LYST: variants seen among roughly 807,000 people sequenced by gnomAD.
The protein encoded by LYST is lysosomal trafficking regulator.
In LYST, 192 loss-of-function variants were observed where a neutral mutation model predicts 413.6. The ratio of observed to expected loss-of-function variants is 0.46; its 90% CI spans 0.41 to 0.52. LYST has a LOEUF of 0.52. Among genes scored for constraint, LYST ranks in the 20% least tolerant of loss-of-function variants. The probability of loss-of-function intolerance (pLI) is 0.00; values close to 1 mark genes in which losing one functional copy is unlikely to be tolerated. For missense variants in LYST, 3,815 were observed against 4,499.9 expected (o/e 0.85, Z 4.35); for synonymous variants, 1,525 against 1,567.3 (o/e 0.97, Z 0.64).
chr1:235,730,283 C>T (rs1246253746), intron 36 of LYST, among the ~76,000 whole-genome samples: 1 of 151,778 alleles, frequency 6.6e-6, no homozygotes, highest in Non-Finnish European at 1.5e-5. Context: ...ACTTAATACT[C>T]AACAACGCTA....
chr1:235,720,576 T>G, intron 40 of LYST, 85 bp downstream of exon 40: 2 of 1,370,166 alleles, frequency 1.5e-6, no homozygotes, highest in South Asian at 2.4e-5. Flanking sequence ...TGTGCATGTT[T>G]GAAATTTTTC....
intron 46 of LYST, 116 bp downstream of exon 46, chr1:235,696,967 C>A (rs1383399896): frequency 7.0e-6 from 7 of 996,290 alleles, no homozygotes; most frequent in Non-Finnish European, 1.1e-5. Flanking sequence ...TAAATAACCA[C>A]AAATTTGAGC....
At chr1:235,738,999 A>G in intron 31 of LYST, 4 of 705,434 alleles carry the variant, frequency 5.7e-6, no homozygotes, top group South Asian at 5.5e-5. Flanking sequence ...AAGTCTTCTG[A>G]TGTCATACTA....
In LYST at chr1:235,791,536, A is replaced by T; in HGVS notation, c.4543+163T>A. 3 of 671,764 alleles carry T rather than the reference A, an allele frequency of 4.5e-6. 1 individual carries two copies. In the South Asian group the frequency reaches 5.1e-5, roughly 11 times the overall value. The allele number at this position is 671,764 out of a possible 1,614,324, so 41.6% of individuals were successfully genotyped here. A position where few individuals can be genotyped will look rare whatever the true frequency, so the allele number is the denominator to read the frequency against. On this transcript the variant is annotated intron_variant, in intron 12 of 52. Transcript: ENST00000389793. Reference sequence around the variant, plus strand: ...TAATAGAGATTCAAGGCTTTATGACAACTCATGCTTTGATAAGTCAGGACC... The same window carrying T: ...TAATAGAGATTCAAGGCTTTATGACTACTCATGCTTTGATAAGTCAGGACC...
Position 235,798,578 on chromosome 1 carries a change from TAAA to T in LYST, c.4006+1739_4006+1741del, listed in dbSNP as rs71174462. Among the ~76,000 whole-genome samples the T allele has an allele frequency of 1.6e-4, 13 of 81,710 alleles. 2 individuals are homozygous for T. The highest frequency in any genetic ancestry group is 5.0e-4 in the African/African-American group (11 of 22,094). The allele number at this position is 81,710 out of a possible 152,430, so 53.6% of individuals were successfully genotyped here. On this transcript the variant is annotated intron_variant, in intron 10 of 52. Coordinates refer to ENST00000389793, the MANE Select transcript of LYST (RefSeq NM_000081.4). ...TGGCGACAAGGGCAAAACCCTGTCA[TAAA>T]AAAAAAAAAAAAAAAAAAAAAAAAA...
chr1:235,834,843 G>T (rs1676392179), intron 1 of LYST, among the ~76,000 whole-genome samples: 1 of 152,014 alleles, frequency 6.6e-6, no homozygotes, highest in South Asian at 2.1e-4. Flanking sequence ...CAACCAAGTG[G>T]AACAGCCCTG....
At chr1:235,730,180 T>C (rs1169466573) in intron 36 of LYST, among the ~76,000 whole-genome samples, 1 of 152,066 alleles carries the variant, frequency 6.6e-6, no homozygotes, top group East Asian at 1.9e-4. Context: ...AATTATCTTC[T>C]TTGTGTCTCA....
At chr1:235,720,931 C>A in intron 39 of LYST, 26 bp from the exon 40 acceptor site, 6 of 1,609,422 alleles carry the variant, frequency 3.7e-6, no homozygotes, top group Non-Finnish European at 5.1e-6. Flanking sequence ...AAGAAAAAAA[C>A]CCAGATATTA....
chr1:235,686,910 C>T lies in LYST; in HGVS notation c.10800+39G>A, dbSNP rs772732676. The T allele has an allele frequency of 6.2e-6, 9 of 1,457,236 alleles. No homozygotes were observed. In the South Asian group the frequency reaches 1.0e-4, roughly 17 times the overall value. 90.3% of individuals were successfully genotyped at this position (1,457,236 alleles called of 1,614,324 possible). On this transcript the variant is annotated intron_variant, in intron 48 of 52. Coordinates refer to ENST00000389793, the MANE Select transcript of LYST (RefSeq NM_000081.4). The surrounding 1 kb of genome is among the most constrained non-coding windows in gnomAD (Gnocchi z 4.0). ...ATAAAGGCTTTCTTCCCCTCATTGA[C>T]AAAGTCCCATACTACCCACACAGAA...
intron 11 of LYST, 117 bp downstream of exon 11, chr1:235,793,382 CAACT>C (rs757169298): frequency 1.4e-5 from 8 of 562,910 alleles, no homozygotes; most frequent in Non-Finnish European, 2.5e-5. Flanking sequence ...TTGCCTATAC[CAACT>C]GTCACATCAA....
In LYST at chr1:235,791,799, C is replaced by A; in HGVS notation, c.4443G>T (p.Val1481=). ...TACTCTCAGCTTCATGGATACACTC[C>A]ACATTAAACCACAGGGAAACACTGA... ...EGFSVSLWFN[V]ECIHEAESTT... Residue 1481 remains valine, a synonymous_variant, in exon 12 of 53, where the codon GTG becomes GTT. Transcript: ENST00000389793. The A allele has an allele frequency of 6.2e-7, 1 of 1,613,950 alleles. No homozygotes were observed. The highest frequency in any genetic ancestry group is 8.5e-7 in the Non-Finnish European group (1 of 1,179,854).
In LYST at chr1:235,677,160, G is replaced by T; in HGVS notation, c.10969C>A (p.His3657Asn). The T allele has an allele frequency of 6.2e-7, 1 of 1,613,772 alleles. No homozygotes were observed. Among genetic ancestry groups the T allele is most frequent in the Non-Finnish European group, 8.5e-7 (1 of 1,179,758 alleles). Residue 3657 changes from histidine to asparagine, a missense_variant, in exon 50 of 53, where the codon CAC becomes AAC. His to Asn is a moderately conservative substitution (Grantham distance 68). Transcript: ENST00000389793. The stretch of plus-strand genomic sequence containing the variant: ...GAGACAGCTGTGACAGGGCTTTTGT[G>T]TCCCGCCAGACTTTGTACATAGCAT... ...RLCYVQSLAG[H>N]KSPVTAVSAS... is the part of the protein sequence containing the mutation.
chr1:235,676,991 G>T, intron 50 of LYST, 100 bp downstream of exon 50: 1 of 818,122 alleles, frequency 1.2e-6, no homozygotes, highest in Non-Finnish European at 2.2e-6. Flanking sequence ...TTTAGATCTG[G>T]CAGGGACCTG....
chr1:235,865,340 G>C (rs6429396), intron 1 of LYST, among the ~76,000 whole-genome samples: 131,434 of 149,834 alleles, frequency 0.88, 57,077 homozygotes, highest in East Asian at 1. Context: ...TCCCTCTTCC[G>C]TGCTTTTTCT....
At chr1:235,834,305 GGAA>G (rs1676302725) in intron 1 of LYST, among the ~76,000 whole-genome samples, 1 of 152,062 alleles carries the variant, frequency 6.6e-6, no homozygotes, top group South Asian at 2.1e-4. Flanking sequence ...GTGCTTACCA[GGAA>G]GAAGCATGAA....
rs1482538237 is a variant in LYST, at chr1:235,695,629, A to T, written c.10564+1454T>A. Among the ~76,000 whole-genome samples the T allele has an allele frequency of 8.6e-5, 10 of 116,418 alleles. No individual in the cohort carries two copies. In the South Asian group the frequency reaches 1.1e-3, roughly 13 times the overall value. The allele number at this position is 116,418 out of a possible 152,430, so 76.4% of individuals were successfully genotyped here. On this transcript the variant is annotated intron_variant, in intron 46 of 52. Coordinates refer to ENST00000389793, the MANE Select transcript of LYST (RefSeq NM_000081.4). ...CAGAGAGAAACTTTACAGTACTCTA[A>T]TTTTTTTTTTTTTTTTTTTTTGAGA...
intron 10 of LYST, among the ~76,000 whole-genome samples, chr1:235,797,579 A>G (rs946833114): frequency 6.6e-6 from 1 of 152,108 alleles, no homozygotes; most frequent in African/African-American, 2.4e-5. Flanking sequence ...GCAAAATAAT[A>G]ATAATAATTA....
chr1:235,858,161 C>T (rs191388814), intron 1 of LYST, among the ~76,000 whole-genome samples: 25 of 152,238 alleles, frequency 1.6e-4, no homozygotes, highest in African/African-American at 5.3e-4. Context: ...TTGCAGAAGG[C>T]TAGCATGGTT....
chr1:235,679,232 A>G (rs1659621512), intron 48 of LYST, among the ~76,000 whole-genome samples: 1 of 152,138 alleles, frequency 6.6e-6, no homozygotes, highest in Non-Finnish European at 1.5e-5. Flanking sequence ...CTCCCTTTAG[A>G]GCCATTCTGG....
Sources: gnomAD v4.1 joint callset for allele counts (sites outside exome capture counted in the v4.1 genomes callset) on GRCh38, gnomAD v4.1.1 for gene constraint, Gnocchi (gnomAD v3.1) non-coding constraint, MANE v1.5 for transcripts, NCBI Gene and HGNC (gene_info 2026-07-23, HGNC 2026-07-21) for gene names.